Variants in STK3 observed in about 807,000 individuals in gnomAD.
STK3 encodes serine/threonine-protein kinase 3.
STK3 carries 41 observed loss-of-function variants against 58.0 expected under a neutral mutation model. That is an observed-to-expected ratio of 0.71 (90% confidence interval 0.55 to 0.92). STK3 has a LOEUF of 0.92. Ranked by LOEUF, STK3 falls within the 40% of genes least tolerant of loss-of-function variation. The probability of loss-of-function intolerance (pLI) is 0.00; values close to 1 mark genes in which losing one functional copy is unlikely to be tolerated. For synonymous variants in STK3, 170 were observed against 191.0 expected, an observed-to-expected ratio of 0.89 and a Z score of 0.91; for missense variants, 479 against 602.7, an observed-to-expected ratio of 0.79 and a Z score of 2.15.
chr8:98,374,840 A>G (rs1250397273), intron 2 of STK3, among the ~76,000 whole-genome samples: 1 of 152,236 alleles, frequency 6.6e-6, no homozygotes, highest in Non-Finnish European at 1.5e-5. Context: ...ATACTCTGGA[A>G]GGATACATGA....
chr8:98,935,935 G>T (rs905938165), intron 1 of STK3, among the ~76,000 whole-genome samples: 4 of 147,836 alleles, frequency 2.7e-5, no homozygotes, highest in African/African-American at 1.0e-4. Context: ...ATTTTTTTTT[G>T]AGGTGGAGTC....
intron 3 of STK3, chr8:98,431,871 T>C (rs1002086011): frequency 6.0e-6 from 1 of 167,096 alleles, no homozygotes; most frequent in Admixed American, 6.5e-5. Flanking sequence ...TTATATAAAA[T>C]ATTATCTTGC....
At chr8:98,776,928 T>C (rs1831723505) in intron 1 of STK3, among the ~76,000 whole-genome samples, 1 of 151,866 alleles carries the variant, frequency 6.6e-6, no homozygotes, top group Non-Finnish European at 1.5e-5. Context: ...CGGGTACCTG[T>C]AGTCCCAGCT....
upstream of STK3, among the ~76,000 whole-genome samples, chr8:98,392,640 G>A (rs1336947489): frequency 6.6e-6 from 1 of 152,172 alleles, no homozygotes; most frequent in Non-Finnish European, 1.5e-5. Context: ...CCTGCCCTTG[G>A]GGTCCAGGGA....
the STK3 span, among the ~76,000 whole-genome samples, chr8:98,350,907 G>A: frequency 6.6e-6 from 1 of 151,998 alleles, no homozygotes; most frequent in African/African-American, 2.4e-5. Flanking sequence ...CCAACTTTAA[G>A]ATACACTCTA....
At chr8:98,498,591 A>T (rs1406418650) in intron 10 of STK3, among the ~76,000 whole-genome samples, 1 of 152,164 alleles carries the variant, frequency 6.6e-6, no homozygotes, top group African/African-American at 2.4e-5. Flanking sequence ...GAGTTTATGA[A>T]CCTAAATTGC....
chr8:98,658,927 G>A (rs900238839), intron 6 of STK3, among the ~76,000 whole-genome samples: 4 of 152,000 alleles, frequency 2.6e-5, no homozygotes, highest in Admixed American at 6.6e-5. Flanking sequence ...TACAACATGC[G>A]CTGCATTAAC....
chr8:98,655,833 A>G (rs1426496482), intron 6 of STK3, among the ~76,000 whole-genome samples: 1 of 152,154 alleles, frequency 6.6e-6, no homozygotes, highest in East Asian at 1.9e-4. Flanking sequence ...AAGTCAGGAA[A>G]CAACAGGTGC....
intron 6 of STK3, among the ~76,000 whole-genome samples, chr8:98,619,697 C>A (rs1420340824): frequency 2.1e-5 from 3 of 140,536 alleles, no homozygotes; most frequent in Non-Finnish European, 4.6e-5. Flanking sequence ...TTTATGCAGC[C>A]AAAAAATACA....
intron 10 of STK3, among the ~76,000 whole-genome samples, chr8:98,515,549 C>A (rs960461169): frequency 6.6e-6 from 1 of 152,126 alleles, no homozygotes; most frequent in Non-Finnish European, 1.5e-5. Context: ...TTATGCATCT[C>A]CTCTTTCTCT....
chr8:98,749,407 AAAC>A lies in STK3; in HGVS notation c.237-20_237-18del, dbSNP rs1829830235. On this transcript the variant is annotated intron_variant, in intron 3 of 10. Transcript: ENST00000419617. ...ACATATGGGCTAAAGGAAAATACAT[AAAC>A]AATTAAATTTAGTTAATTCCCAAAG... 1 of 1,399,728 alleles carries A rather than the reference AAAC, an allele frequency of 7.1e-7. No homozygotes were observed. Among genetic ancestry groups the A allele is most frequent in the Non-Finnish European group, 9.7e-7 (1 of 1,027,004 alleles). 86.7% of individuals were successfully genotyped at this position (1,399,728 alleles called of 1,614,324 possible). A position where few individuals can be genotyped will look rare whatever the true frequency, so the allele number is the denominator to read the frequency against.
intron 6 of STK3, among the ~76,000 whole-genome samples, chr8:98,689,966 C>A (rs1012038472): frequency 1.1e-4 from 16 of 152,106 alleles, no homozygotes; most frequent in African/African-American, 3.1e-4. Flanking sequence ...TCAATAGACA[C>A]AGAAAAGGCT....
At chr8:98,525,470 T>A (rs966056034) in intron 10 of STK3, among the ~76,000 whole-genome samples, 3 of 151,870 alleles carry the variant, frequency 2.0e-5, no homozygotes, top group African/African-American at 7.3e-5. Context: ...ACAAGACAAC[T>A]CTTTGAGGCT....
At position 98,770,989 on chromosome 8, in the gene STK3, CA is replaced by C. The variant is rs533062986; in HGVS notation, c.108-3619del. Among the ~76,000 whole-genome samples, 1,308 of 152,162 alleles carry C rather than the reference CA, an allele frequency of 8.6e-3. 6 individuals are homozygous for C. Among genetic ancestry groups the C allele is most frequent in the African/African-American group, 0.03 (1,233 of 41,524 alleles). ...ACACTGTATAAAACAGTGTTTAATA[CA>C]GTGGAACCTTTCTGGAGGGGAGGAG... is the stretch of plus-strand genomic sequence containing the variant. On this transcript the variant is annotated intron_variant, in intron 2 of 10. Coordinates refer to ENST00000419617, the MANE Select transcript of STK3 (RefSeq NM_006281.4).
At chr8:98,685,280 G>A (rs1331353910) in intron 6 of STK3, among the ~76,000 whole-genome samples, 1 of 152,108 alleles carries the variant, frequency 6.6e-6, no homozygotes, top group African/African-American at 2.4e-5. Context: ...ATGTCAGTAG[G>A]AAAATGATAA....
At chr8:98,494,588 A>T (rs1822974271) in intron 10 of STK3, among the ~76,000 whole-genome samples, 1 of 149,776 alleles carries the variant, frequency 6.7e-6, no homozygotes, top group Non-Finnish European at 1.5e-5. Flanking sequence ...CCAGGAGTTC[A>T]AGGCTGCAGT....
intron 3 of STK3, among the ~76,000 whole-genome samples, chr8:98,407,678 AGAG>A (rs1373251678): frequency 6.6e-6 from 1 of 151,784 alleles, no homozygotes; most frequent in Non-Finnish European, 1.5e-5. Flanking sequence ...TTAAATTCCG[AGAG>A]GAGCTCACCT....
intron 8 of STK3, among the ~76,000 whole-genome samples, chr8:98,573,813 A>G (rs1336513412): frequency 2.6e-5 from 4 of 152,144 alleles, no homozygotes; most frequent in Non-Finnish European, 4.4e-5. Context: ...GTTAATTTAT[A>G]AAGAAAGGAG....
intron 6 of STK3, among the ~76,000 whole-genome samples, chr8:98,637,144 C>T (rs1376986985): frequency 1.3e-5 from 2 of 150,500 alleles, no homozygotes; most frequent in Non-Finnish European, 3.0e-5. Flanking sequence ...GGAAAAATGC[C>T]TAAAAGTCCA....
Sources: allele counts gnomAD v4.1 joint callset (sites outside exome capture counted in the v4.1 genomes callset), GRCh38; gene constraint gnomAD v4.1.1; transcripts MANE v1.5; gene names NCBI Gene and HGNC (gene_info 2026-07-23, HGNC 2026-07-21).